The following KCNMA1 variants were observed in gnomAD, a reference collection of about 807,000 sequenced individuals.
The protein encoded by KCNMA1 is potassium calcium-activated channel subfamily M alpha 1.
A neutral mutation model predicts 140.0 loss-of-function variants in KCNMA1; 29 were observed. The ratio of observed to expected loss-of-function variants is 0.21; its 90% CI spans 0.15 to 0.28. The LOEUF (loss-of-function observed/expected upper bound fraction) is 0.28. KCNMA1 is among the 10% of genes least tolerant of loss of function. The probability of loss-of-function intolerance (pLI) is 1.00; values close to 1 mark genes in which losing one functional copy is unlikely to be tolerated. For synonymous variants in KCNMA1, 612 were observed against 611.9 expected, an observed-to-expected ratio of 1.00 and a Z score of 0.00; for missense variants, 880 against 1,602.2, an observed-to-expected ratio of 0.55 and a Z score of 7.70.
intron 21 of KCNMA1, among the ~76,000 whole-genome samples, chr10:76,953,202 C>A (rs1029592829): frequency 2.6e-5 from 4 of 152,210 alleles, no homozygotes; most frequent in Admixed American, 6.5e-5. Flanking sequence ...ATGCATTTCC[C>A]TGTCTACAAC....
At chr10:77,425,772 TA>T (rs2096973635) in intron 1 of KCNMA1, among the ~76,000 whole-genome samples, 1 of 152,182 alleles carries the variant, frequency 6.6e-6, no homozygotes, top group African/African-American at 2.4e-5. Flanking sequence ...GGAGGACATT[TA>T]AAAATGCATG....
intron 1 of KCNMA1, among the ~76,000 whole-genome samples, chr10:77,581,553 C>T (rs563916740): frequency 1.3e-5 from 2 of 152,366 alleles, no homozygotes; most frequent in South Asian, 2.1e-4. Flanking sequence ...GATCCACCCA[C>T]CTCAGCCTCC....
chr10:77,330,916 G>T (rs2086136626), intron 2 of KCNMA1, among the ~76,000 whole-genome samples: 1 of 152,140 alleles, frequency 6.6e-6, no homozygotes, highest in Admixed American at 6.5e-5. Flanking sequence ...GCAATAATGT[G>T]GGAGAGCACT....
intron 1 of KCNMA1, among the ~76,000 whole-genome samples, chr10:77,632,014 G>T (rs551856267): frequency 6.6e-6 from 1 of 152,194 alleles, no homozygotes; most frequent in East Asian, 1.9e-4. Context: ...AGGCACAAAG[G>T]CATGACGTCT....
intron 14 of KCNMA1, among the ~76,000 whole-genome samples, chr10:77,070,184 T>C (rs2096138377): frequency 1.3e-5 from 2 of 152,116 alleles, no homozygotes; most frequent in Non-Finnish European, 2.9e-5. Flanking sequence ...GTCTCATGCA[T>C]GATAAAATGC....
chr10:76,917,838 T>C (rs1034987475), intron 23 of KCNMA1, among the ~76,000 whole-genome samples: 4 of 152,204 alleles, frequency 2.6e-5, no homozygotes, highest in Non-Finnish European at 5.9e-5. Flanking sequence ...TTAGCATTGT[T>C]TCTTTCTTAG....
intron 2 of KCNMA1, among the ~76,000 whole-genome samples, chr10:77,323,130 C>T (rs1414461981): frequency 1.3e-5 from 2 of 152,126 alleles, no homozygotes; most frequent in East Asian, 1.9e-4. Context: ...CTTGATATTC[C>T]CATAGATTGC....
chr10:77,447,531 C>G (rs1481819231), intron 1 of KCNMA1, among the ~76,000 whole-genome samples: 2 of 152,244 alleles, frequency 1.3e-5, no homozygotes. Context: ...GCCACTCTTT[C>G]AGGCACACTC....
chr10:77,272,883 C>T (rs1008181044), intron 2 of KCNMA1, among the ~76,000 whole-genome samples: 6 of 152,106 alleles, frequency 3.9e-5, no homozygotes, highest in Non-Finnish European at 7.4e-5. Flanking sequence ...TCTTAGTAAA[C>T]ACATTTCTAT....
intron 3 of KCNMA1, among the ~76,000 whole-genome samples, chr10:77,206,358 T>C (rs1440086224): frequency 6.6e-6 from 1 of 152,206 alleles, no homozygotes; most frequent in South Asian, 2.1e-4. Context: ...TTAGTAGATA[T>C]GTTTAAGAAT....
intron 2 of KCNMA1, among the ~76,000 whole-genome samples, chr10:77,272,472 T>C (rs1192176508): frequency 6.6e-6 from 1 of 152,206 alleles, no homozygotes; most frequent in Non-Finnish European, 1.5e-5. Context: ...TAAGCCCCTT[T>C]GATGGTATGT....
chr10:77,553,899 A>G (rs556797360), intron 1 of KCNMA1, among the ~76,000 whole-genome samples: 1 of 152,274 alleles, frequency 6.6e-6, no homozygotes, highest in South Asian at 2.1e-4. Flanking sequence ...CTCCCTGTGG[A>G]TCTGGGTTCA....
chr10:77,068,478 G>C (rs1294790622), intron 14 of KCNMA1, among the ~76,000 whole-genome samples: 1 of 152,064 alleles, frequency 6.6e-6, no homozygotes, highest in Admixed American at 6.5e-5. Context: ...TGAATAGCAT[G>C]CTTCTGATTT....
In KCNMA1 at chr10:77,608,921, C is replaced by CA. The variant is rs1393876037; in HGVS notation, c.378+28343dup. Among the ~76,000 whole-genome samples, 20 of 143,274 alleles carry CA rather than the reference C, an allele frequency of 1.4e-4. No homozygotes were observed. The South Asian group carries it at 4.3e-3, about 31-fold the overall frequency. The allele number at this position is 143,274 out of a possible 152,430, so 94.0% of individuals were successfully genotyped here. ...TCACACCTGTTAAAATGGCTATAAGCAAAAAAAGAGAGAGAGAGAGAGCAA... is the reference window on the plus strand; with the variant it reads ...TCACACCTGTTAAAATGGCTATAAGCAAAAAAAAGAGAGAGAGAGAGAGCAA... On this transcript the variant is annotated intron_variant, in intron 1 of 27. Transcript: ENST00000286628.
At chr10:77,536,926 C>T (rs540415586) in intron 1 of KCNMA1, among the ~76,000 whole-genome samples, 2 of 152,302 alleles carry the variant, frequency 1.3e-5, no homozygotes. Flanking sequence ...CAAAGCTCAC[C>T]GCATGGAGTG....
chr10:76,928,975 C>T (rs1564970653), intron 23 of KCNMA1, among the ~76,000 whole-genome samples: 1 of 152,168 alleles, frequency 6.6e-6, no homozygotes, highest in Non-Finnish European at 1.5e-5. Context: ...CATGAGGGAA[C>T]AGGAAGCATT....
chr10:77,547,999 A>G (rs1355926490), intron 1 of KCNMA1, among the ~76,000 whole-genome samples: 8 of 136,074 alleles, frequency 5.9e-5, no homozygotes, highest in Admixed American at 5.8e-4. Flanking sequence ...CTGGCCTTTT[A>G]CAAATTAAAA....
chr10:77,170,233 G>A (rs1179522640), intron 5 of KCNMA1, among the ~76,000 whole-genome samples: 3 of 152,116 alleles, frequency 2.0e-5, no homozygotes, highest in African/African-American at 7.2e-5. Context: ...GAAAAATGGA[G>A]CTCTGCTCAC....
At chr10:77,570,056 C>T (rs375915026) in intron 1 of KCNMA1, among the ~76,000 whole-genome samples, 9 of 150,192 alleles carry the variant, frequency 6.0e-5, no homozygotes, top group East Asian at 1.9e-4. Flanking sequence ...CACACCAGTT[C>T]GAATGGCAAT....
Sources: allele counts gnomAD v4.1 joint callset (sites outside exome capture counted in the v4.1 genomes callset), GRCh38; gene constraint gnomAD v4.1.1; transcripts MANE v1.5; gene names NCBI Gene and HGNC (gene_info 2026-07-23, HGNC 2026-07-21).